The following SMYD3 variants were observed in gnomAD, a reference collection of about 807,000 sequenced individuals.
SMYD3 encodes SET and MYND domain containing 3.
SMYD3 carries 36 observed loss-of-function variants against 57.7 expected under a neutral mutation model. The observed-to-expected ratio is 0.62, with a 90% confidence interval of 0.48 to 0.82. The LOEUF is 0.82. Among genes scored for constraint, SMYD3 ranks in the 40% least tolerant of loss-of-function variants. The probability of loss-of-function intolerance (pLI) is 0.00; values close to 1 mark genes in which losing one functional copy is unlikely to be tolerated. For missense variants in SMYD3, 515 were observed against 538.8 expected, an observed-to-expected ratio of 0.96 and a Z score of 0.44; for synonymous variants, 211 against 195.0, an observed-to-expected ratio of 1.08 and a Z score of -0.68.
chr1:246,298,130 A>C (rs1480838970), intron 5 of SMYD3, among the ~76,000 whole-genome samples: 1 of 152,090 alleles, frequency 6.6e-6, no homozygotes, highest in Admixed American at 6.6e-5. Flanking sequence ...ATAAACCTGC[A>C]GGTTCACAGA....
Position 246,507,210 on chromosome 1 carries a change from G to A in SMYD3, c.8C>T (p.Pro3Leu), listed in dbSNP as rs564201478. ME[P>L]LKVEKFATAK... ...GGTTGCGAACTTTTCCACCTTCAGC[G>A]GCTCCATCCTCCCGCAGCTCCGGCA... The change falls in exon 1 of 12, where the codon CCG becomes CTG. Residue 3 changes from proline to leucine, a missense_variant. Transcript: ENST00000490107. 3.3e-6 allele frequency: 5 copies of A among 1,519,344 alleles called. No individual in the cohort carries two copies. In the South Asian group the frequency reaches 4.9e-5, roughly 15 times the overall value. 94.1% of individuals were successfully genotyped at this position (1,519,344 alleles called of 1,614,324 possible).
intron 5 of SMYD3, chr1:245,955,958 C>T: frequency 2.0e-6 from 2 of 984,990 alleles, no homozygotes; most frequent in Non-Finnish European, 2.4e-6. Context: ...GCTGACAGAC[C>T]TCTTGATGTG....
At chr1:245,816,314 G>A (rs1205417760) in intron 10 of SMYD3, among the ~76,000 whole-genome samples, 1 of 151,936 alleles carries the variant, frequency 6.6e-6, no homozygotes, top group Non-Finnish European at 1.5e-5. Context: ...GGGGTGGACA[G>A]TGCCATTACT....
At chr1:246,285,190 C>T (rs2064535950) in intron 5 of SMYD3, among the ~76,000 whole-genome samples, 1 of 152,160 alleles carries the variant, frequency 6.6e-6, no homozygotes, top group Non-Finnish European at 1.5e-5. Context: ...GCTTAGCTCT[C>T]ACTTATGAGT....
chr1:245,971,428 C>T lies in SMYD3; in HGVS notation c.532-41491G>A, dbSNP rs115408535. ...GCTGCACTGTTCTGCACACATATCC[C>T]AGAACTTAAAGTATAATTAAAAAAA... On this transcript the variant is annotated intron_variant, in intron 5 of 11. Transcript: ENST00000490107. 4.9e-3 allele frequency among the ~76,000 whole-genome samples: 644 copies of T among 132,618 alleles called. 4 individuals are homozygous for T. Among genetic ancestry groups the T allele is most frequent in the African/African-American group, 0.018 (617 of 34,216 alleles). 87.0% of individuals were successfully genotyped at this position (132,618 alleles called of 152,430 possible).
intron 8 of SMYD3, among the ~76,000 whole-genome samples, chr1:245,897,897 CAAA>C (rs1309319308): frequency 7.6e-6 from 1 of 131,870 alleles, no homozygotes; most frequent in Non-Finnish European, 1.7e-5. Flanking sequence ...AGACTGTCTC[CAAA>C]AAAAAAAAAA....
rs183271754 is a variant in SMYD3, at chr1:246,301,092, C to T, written c.531+26109G>A. Among the ~76,000 whole-genome samples, 19 of 152,186 alleles carry T rather than the reference C, an allele frequency of 1.2e-4. No individual in the cohort carries two copies. In the East Asian group the frequency reaches 3.5e-3, roughly 28 times the overall value. ...TGTGTGAAAAGTATTAAAATACTAC[C>T]AGTACCAAATGTGCACATGGAAGAC... On this transcript the variant is annotated intron_variant, in intron 5 of 11. Coordinates refer to ENST00000490107, the MANE Select transcript of SMYD3 (RefSeq NM_001167740.2).
intron 10 of SMYD3, among the ~76,000 whole-genome samples, chr1:245,823,357 GCT>G (rs10534407): frequency 2.0e-5 from 3 of 151,618 alleles, no homozygotes; most frequent in Non-Finnish European, 4.4e-5. Context: ...GCTCGCTCTC[GCT>G]CTCTCTCTCT....
At chr1:246,041,125 C>T (rs552336382) in intron 5 of SMYD3, among the ~76,000 whole-genome samples, 5 of 152,122 alleles carry the variant, frequency 3.3e-5, no homozygotes, top group Non-Finnish European at 7.4e-5. Context: ...ACATGCTGTT[C>T]GGGTTTATAG....
chr1:246,246,646 T>C (rs976527345), intron 5 of SMYD3, among the ~76,000 whole-genome samples: 4 of 152,090 alleles, frequency 2.6e-5, no homozygotes, highest in Non-Finnish European at 4.4e-5. Context: ...CTGGACACTT[T>C]ATAATATGCA....
At chr1:246,230,796 T>C (rs114581054) in intron 5 of SMYD3, among the ~76,000 whole-genome samples, 9,017 of 152,258 alleles carry the variant, frequency 0.059, 435 homozygotes, top group African/African-American at 0.12. Context: ...TGTTGAGCAG[T>C]TGAAATGTGT....
chr1:245,798,443 CAT>C (rs1391713610), intron 10 of SMYD3, among the ~76,000 whole-genome samples: 3 of 137,158 alleles, frequency 2.2e-5, no homozygotes, highest in South Asian at 2.5e-4. Flanking sequence ...CATACACACA[CAT>C]AAAAATATGC....
chr1:245,953,848 G>A (rs1435750630), intron 5 of SMYD3, among the ~76,000 whole-genome samples: 1 of 152,160 alleles, frequency 6.6e-6, no homozygotes, highest in African/African-American at 2.4e-5. Flanking sequence ...CACAAATGAA[G>A]CCTGCATGTT....
chr1:245,953,195 T>C (rs2057720650), intron 5 of SMYD3: 2 of 974,206 alleles, frequency 2.1e-6, no homozygotes, highest in Non-Finnish European at 2.5e-6. Flanking sequence ...ATATATATTA[T>C]CAGTATATCT....
intron 5 of SMYD3, among the ~76,000 whole-genome samples, chr1:246,138,762 C>G (rs10802337): frequency 0.5 from 75,906 of 151,442 alleles, 22,906 homozygotes; most frequent in Non-Finnish European, 0.69. Context: ...ATACTTTGCA[C>G]AGTACCTAAA....
chr1:245,950,646 T>C (rs2057598316), intron 5 of SMYD3, among the ~76,000 whole-genome samples: 1 of 152,202 alleles, frequency 6.6e-6, no homozygotes, highest in Non-Finnish European at 1.5e-5. Context: ...GAATATGCTA[T>C]CATATGTCAC....
chr1:246,275,719 C>A (rs1418590476), intron 5 of SMYD3, among the ~76,000 whole-genome samples: 2 of 151,468 alleles, frequency 1.3e-5, no homozygotes, highest in Non-Finnish European at 2.9e-5. Context: ...TTAACACTGG[C>A]AAGTTATTTA....
intron 8 of SMYD3, among the ~76,000 whole-genome samples, chr1:245,866,077 T>G (rs916145310): frequency 2.0e-5 from 3 of 152,186 alleles, no homozygotes; most frequent in African/African-American, 7.2e-5. Context: ...TGAAGGAGGT[T>G]TATAGAACGA....
intron 5 of SMYD3, chr1:246,035,217 A>C (rs986485134): frequency 6.6e-6 from 1 of 152,248 alleles, no homozygotes; most frequent in Non-Finnish European, 1.5e-5. Flanking sequence ...TCTTTGTTTC[A>C]GCAATCAAAA....
Sources: gnomAD v4.1 joint callset for allele counts (sites outside exome capture counted in the v4.1 genomes callset) on GRCh38, gnomAD v4.1.1 for gene constraint, MANE v1.5 for transcripts, NCBI Gene and HGNC (gene_info 2026-07-23, HGNC 2026-07-21) for gene names.